FGD4: variants seen among roughly 807,000 people sequenced by gnomAD.
FGD4 encodes FYVE, RhoGEF and PH domain containing 4, also known as FYVE, RhoGEF and PH domain-containing protein 4.
FGD4 carries 42 observed loss-of-function variants against 102.0 expected under a neutral mutation model. That is an observed-to-expected ratio of 0.41 (90% CI 0.32 to 0.53). The LOEUF is 0.53. Among genes scored for constraint, FGD4 ranks in the 20% least tolerant of loss-of-function variants. The probability of loss-of-function intolerance (pLI) is 0.21; values close to 1 mark genes in which losing one functional copy is unlikely to be tolerated. For synonymous variants in FGD4, 380 were observed against 375.7 expected, an observed-to-expected ratio of 1.01 and a Z score of -0.13; for missense variants, 902 against 1,078.2, an observed-to-expected ratio of 0.84 and a Z score of 2.29.
intron 1 of FGD4, among the ~76,000 whole-genome samples, chr12:32,541,376 TG>T (rs1290116441): frequency 1.3e-5 from 2 of 152,182 alleles, no homozygotes; most frequent in Admixed American, 6.5e-5. Context: ...TTTATAGTAA[TG>T]TTTTTTTTGA....
At chr12:32,626,696 G>T (rs1050258267) in intron 14 of FGD4, among the ~76,000 whole-genome samples, 3 of 152,084 alleles carry the variant, frequency 2.0e-5, no homozygotes, top group African/African-American at 7.2e-5. Context: ...TAGATGTTCT[G>T]GCTTTGATGG....
chr12:32,481,549 G>A (rs1308392663), intron 1 of FGD4, among the ~76,000 whole-genome samples: 14 of 152,200 alleles, frequency 9.2e-5, no homozygotes, highest in Non-Finnish European at 2.9e-5. Flanking sequence ...TCAGCCGGGT[G>A]CGGTGGCTCA....
chr12:32,408,081 A>C (rs10844197), intron 1 of FGD4, among the ~76,000 whole-genome samples: 82,837 of 150,572 alleles, frequency 0.55, 23,890 homozygotes, highest in African/African-American at 0.74. Flanking sequence ...CTCACTGCAA[A>C]TTTCACCTCC....
intron 1 of FGD4, among the ~76,000 whole-genome samples, chr12:32,562,845 C>A (rs1944742857): frequency 6.6e-6 from 1 of 152,260 alleles, no homozygotes; most frequent in Non-Finnish European, 1.5e-5. Flanking sequence ...CATCCGACTT[C>A]TCAATCTTTT....
At chr12:32,563,347 C>T (rs1944847713) in intron 1 of FGD4, among the ~76,000 whole-genome samples, 1 of 150,008 alleles carries the variant, frequency 6.7e-6, no homozygotes, top group East Asian at 2.0e-4. Flanking sequence ...CAGGGGCGCT[C>T]CTCACATCCC....
chr12:32,628,693 G>A (rs901529521), intron 14 of FGD4, among the ~76,000 whole-genome samples: 6 of 152,236 alleles, frequency 3.9e-5, no homozygotes, highest in South Asian at 2.1e-4. Flanking sequence ...AGCTGAGGCC[G>A]GAGAATCACT....
At position 32,642,661 on chromosome 12, in the gene FGD4, C is replaced by T. The variant is rs1373491531; in HGVS notation, c.*2128C>T. On this transcript the variant is annotated 3_prime_UTR_variant, in exon 17 of 17. Coordinates refer to ENST00000534526, the MANE Select transcript of FGD4 (RefSeq NM_001370298.3). ...ATAATGTTTATTATCATGCTCTTAA[C>T]AGTCATTATCTTTAATTTTTTAAAT... 1 of 151,966 alleles carries T rather than the reference C, an allele frequency of 6.6e-6. No individual in the cohort carries two copies. The highest frequency in any genetic ancestry group is 1.9e-4 in the East Asian group (1 of 5,184). The allele number at this position is 151,966 out of a possible 1,614,324, so 9.4% of individuals were successfully genotyped here.
chr12:32,560,094 G>A (rs1438490458), intron 1 of FGD4, among the ~76,000 whole-genome samples: 1 of 152,162 alleles, frequency 6.6e-6, no homozygotes, highest in Non-Finnish European at 1.5e-5. Context: ...TAGTATCACT[G>A]TGAAAAAGCA....
At chr12:32,434,677 T>G (rs1942165086) in intron 1 of FGD4, among the ~76,000 whole-genome samples, 1 of 152,230 alleles carries the variant, frequency 6.6e-6, no homozygotes, top group African/African-American at 2.4e-5. Flanking sequence ...CTCATTGCTT[T>G]ATGCTAGAAA....
intron 1 of FGD4, among the ~76,000 whole-genome samples, chr12:32,505,122 A>C (rs898351953): frequency 6.6e-6 from 1 of 152,204 alleles, no homozygotes; most frequent in Non-Finnish European, 1.5e-5. Flanking sequence ...CAGCACCTGC[A>C]GATGCTGTCA....
At chr12:32,550,403 C>T (rs898083771) in intron 1 of FGD4, among the ~76,000 whole-genome samples, 2 of 152,056 alleles carry the variant, frequency 1.3e-5, no homozygotes, top group African/African-American at 4.8e-5. Flanking sequence ...TGAGTGGTGG[C>T]TCATGCCTGT....
rs770560590 is a variant in FGD4 at position 32,422,288 on chromosome 12, C to CTTTTTTTTTTTTTTTTTTTTT, written c.166+22337_166+22357dup. 6.3e-4 allele frequency among the ~76,000 whole-genome samples: 34 copies of CTTTTTTTTTTTTTTTTTTTTT among 54,174 alleles called. 6 individuals are homozygous for CTTTTTTTTTTTTTTTTTTTTT. Among genetic ancestry groups the CTTTTTTTTTTTTTTTTTTTTT allele is most frequent in the Non-Finnish European group, 9.6e-4 (29 of 30,242 alleles). 35.5% of individuals were successfully genotyped at this position (54,174 alleles called of 152,430 possible). On this transcript the variant is annotated intron_variant, in intron 1 of 16. Transcript: ENST00000534526. ...TTGAAGCATCTCAAATTGGGAGCTG[C>CTTTTTTTTTTTTTTTTTTTTT]TTTTTTTTTTTTTTTTTTTTTTTTT...
At chr12:32,529,352 C>A (rs146907661) in intron 1 of FGD4, among the ~76,000 whole-genome samples, 1 of 151,982 alleles carries the variant, frequency 6.6e-6, no homozygotes, top group African/African-American at 2.4e-5. Context: ...GTCTCGATCT[C>A]TTAACCTTGT....
chr12:32,424,298 A>G (rs1026691376), intron 1 of FGD4, among the ~76,000 whole-genome samples: 4 of 151,808 alleles, frequency 2.6e-5, no homozygotes, highest in Non-Finnish European at 5.9e-5. Context: ...CAACTCCCAT[A>G]TATGAGTGAG....
chr12:32,532,204 A>G (rs1433728200), intron 1 of FGD4, among the ~76,000 whole-genome samples: 2 of 152,226 alleles, frequency 1.3e-5, no homozygotes, highest in Non-Finnish European at 1.5e-5. Context: ...AAATAGAACA[A>G]TTATAACAAT....
At chr12:32,609,952 G>A (rs563933600) in intron 8 of FGD4, among the ~76,000 whole-genome samples, 1 of 152,248 alleles carries the variant, frequency 6.6e-6, no homozygotes, top group Non-Finnish European at 1.5e-5. Context: ...CTCCTACGAT[G>A]TCCACACCAA....
At position 32,543,205 on chromosome 12, in the gene FGD4, A is replaced by G. The variant is rs554348599; in HGVS notation, c.167-20932A>G. 4.6e-5 allele frequency among the ~76,000 whole-genome samples: 7 copies of G among 152,306 alleles called. No homozygotes were observed. The South Asian group carries it at 1.4e-3, about 32-fold the overall frequency. On this transcript the variant is annotated intron_variant, in intron 1 of 16. Coordinates refer to ENST00000534526, the MANE Select transcript of FGD4 (RefSeq NM_001370298.3). ...ATAAAGGATACTATGAAGAATATAG[A>G]TGAACAGCCAGATAAAGAGAGATTA...
intron 1 of FGD4, among the ~76,000 whole-genome samples, chr12:32,498,929 T>TA (rs1426589662): frequency 6.6e-6 from 1 of 152,178 alleles, no homozygotes; most frequent in African/African-American, 2.4e-5. Context: ...CCAAACCACT[T>TA]AATCAATGGA....
intron 1 of FGD4, among the ~76,000 whole-genome samples, chr12:32,444,352 T>G (rs571529007): frequency 6.6e-6 from 1 of 152,286 alleles, no homozygotes; most frequent in South Asian, 2.1e-4. Flanking sequence ...TAGAAAACTT[T>G]GACTTGTTTT....
Sources: allele counts gnomAD v4.1 joint callset (sites outside exome capture counted in the v4.1 genomes callset), GRCh38; gene constraint gnomAD v4.1.1; transcripts MANE v1.5; gene names NCBI Gene and HGNC (gene_info 2026-07-23, HGNC 2026-07-21).